NEK9: variants seen among roughly 807,000 people sequenced by gnomAD.
The protein encoded by NEK9 is serine/threonine-protein kinase Nek9.
In NEK9, 75 loss-of-function variants were observed where a neutral mutation model predicts 123.4. The observed-to-expected ratio is 0.61, with a 90% CI of 0.50 to 0.74. The LOEUF (loss-of-function observed/expected upper bound fraction) is 0.74, where lower values mean the gene tolerates loss of function less well. Ranked by LOEUF, NEK9 falls within the 30% of genes least tolerant of loss-of-function variation. The pLI, the probability that NEK9 is intolerant of heterozygous loss-of-function variation, is 0.00. For missense variants in NEK9, 952 were observed against 1,214.4 expected, an observed-to-expected ratio of 0.78 and a Z score of 3.21; for synonymous variants, 438 against 458.7, an observed-to-expected ratio of 0.95 and a Z score of 0.58.
At chr14:75,120,965 T>C (rs1410754225) in intron 3 of NEK9, 154 bp downstream of exon 3, 1 of 720,644 alleles carries the variant, frequency 1.4e-6, no homozygotes, top group Non-Finnish European at 2.5e-6. Flanking sequence ...AGCTTCCTTG[T>C]TAGAGGTTTC....
At chr14:75,099,921 G>C (rs1406839367) in intron 16 of NEK9, among the ~76,000 whole-genome samples, 1 of 151,560 alleles carries the variant, frequency 6.6e-6, no homozygotes, top group African/African-American at 2.4e-5. Flanking sequence ...ACGAGGTCAG[G>C]AGTTCGAGAC....
chr14:75,091,599 G>A (rs1894220534), intron 18 of NEK9, 121 bp from the exon 19 acceptor site: 25 of 761,284 alleles, frequency 3.3e-5, no homozygotes, highest in Non-Finnish European at 4.2e-5. Flanking sequence ...AATGGCAACA[G>A]TGCAAGTCAA....
chr14:75,112,321 C>T (rs1224398017), intron 8 of NEK9, among the ~76,000 whole-genome samples: 5 of 152,092 alleles, frequency 3.3e-5, no homozygotes, highest in South Asian at 2.1e-4. Context: ...AAATATTTAA[C>T]GAAGATAAAT....
At chr14:75,106,317 C>A in intron 12 of NEK9, 185 bp downstream of exon 12, 1 of 602,400 alleles carries the variant, frequency 1.7e-6, no homozygotes, top group Non-Finnish European at 2.8e-6. Flanking sequence ...CCAGATCATG[C>A]CATTGCACTC....
chr14:75,124,288 G>T, intron 1 of NEK9, 65 bp from the exon 2 acceptor site: 2 of 1,476,880 alleles, frequency 1.4e-6, no homozygotes, highest in Non-Finnish European at 1.9e-6. Context: ...TCCACACCTA[G>T]ATCTGTAAGC....
At chr14:75,115,882 G>GA (rs1192136185) in intron 6 of NEK9, among the ~76,000 whole-genome samples, 1 of 151,650 alleles carries the variant, frequency 6.6e-6, no homozygotes, top group East Asian at 1.9e-4. Flanking sequence ...CTTAAAAAAA[G>GA]AAAAAAAGAC....
chr14:75,109,697 C>G lies in NEK9; in HGVS notation c.1170G>C (p.Leu390=), dbSNP rs1318222058. Residue 390 remains leucine (L), a synonymous_variant, in exon 10 of 22, where the codon CTG becomes CTC. Coordinates refer to ENST00000238616, the MANE Select transcript of NEK9 (RefSeq NM_033116.6). ...AGCGTTCACTTACCACCCAAGTGTA[C>G]AGTTCCTTCTCCACTGTGACCACAG... is the stretch of plus-strand genomic sequence containing the variant. The part of the protein sequence containing the change: ...HFAVVTVEKE[L]YTWVNMQGGT... 1 of 1,613,274 alleles carries G rather than the reference C, an allele frequency of 6.2e-7. No individual in the cohort carries two copies. The highest frequency in any genetic ancestry group is 1.7e-5 in the Admixed American group (1 of 59,674).
At chr14:75,110,510 T>C in intron 8 of NEK9, 139 bp from the exon 9 acceptor site, 2 of 638,340 alleles carry the variant, frequency 3.1e-6, no homozygotes, top group Admixed American at 2.8e-5. Flanking sequence ...TTTAGCAAAG[T>C]ACCTCAATAC....
At chr14:75,105,367 G>C (rs1415459033) in intron 13 of NEK9, among the ~76,000 whole-genome samples, 3 of 152,076 alleles carry the variant, frequency 2.0e-5, no homozygotes, top group African/African-American at 7.2e-5. Flanking sequence ...TGGTATAGCT[G>C]ATTTAGCCAA....
At chr14:75,103,705 CTTT>C in intron 14 of NEK9, 134 bp downstream of exon 14, 1 of 934,970 alleles carries the variant, frequency 1.1e-6, no homozygotes, top group Non-Finnish European at 1.6e-6. Flanking sequence ...TGGCTGGCTT[CTTT>C]TTCTGCACAC....
chr14:75,117,565 G>C (rs1895182275), intron 5 of NEK9, among the ~76,000 whole-genome samples: 1 of 152,168 alleles, frequency 6.6e-6, no homozygotes, highest in Admixed American at 6.5e-5. Context: ...GTGGTAACTT[G>C]AGGGGCTCAA....
intron 1 of NEK9, 116 bp from the exon 2 acceptor site, chr14:75,124,339 CTTA>C (rs916489520): frequency 2.5e-6 from 2 of 800,744 alleles, no homozygotes; most frequent in African/African-American, 1.7e-5. Flanking sequence ...ACTGACTCCT[CTTA>C]TTTTTTCCTT....
In NEK9 at chr14:75,121,125, C is replaced by A; in HGVS notation, c.447G>T (p.Glu149Asp). Reference sequence around the variant, plus strand: ...CCACAGAAATATGAATTACCTCTTCCTCAAACAACTTGTCCTTCTGACGAA... The same window carrying A: ...CCACAGAAATATGAATTACCTCTTCATCAAACAACTTGTCCTTCTGACGAA... Reference protein sequence around the residue: ...KILRQKDKLFEEEMVVWYLFQ... With the variant: ...KILRQKDKLFDEEMVVWYLFQ... The change falls in exon 3 of 22, where the codon GAG becomes GAT. Residue 149 changes from glutamate (E) to aspartate (D), a missense_variant. This residue lies in a region of NEK9 where 106 missense variants were observed against 153.0 expected (regional missense o/e 0.69). Transcript: ENST00000238616. 6.2e-7 allele frequency: 1 copy of A among 1,611,884 alleles called. No homozygotes were observed. Among genetic ancestry groups the A allele is most frequent in the Non-Finnish European group, 8.5e-7 (1 of 1,177,988 alleles).
chr14:75,113,758 C>T (rs1895036584), intron 7 of NEK9, among the ~76,000 whole-genome samples: 1 of 152,066 alleles, frequency 6.6e-6, no homozygotes, highest in Non-Finnish European at 1.5e-5. Flanking sequence ...CTTCTTTTTA[C>T]TTACAAAACT....
Position 75,126,692 on chromosome 14 carries a change from A to T in NEK9, c.219+11T>A. 7.1e-7 allele frequency: 1 copy of T among 1,403,818 alleles called. No individual in the cohort carries two copies. Among genetic ancestry groups the T allele is most frequent in the Non-Finnish European group, 9.2e-7 (1 of 1,083,756 alleles). The allele number at this position is 1,403,818 out of a possible 1,614,324, so 87.0% of individuals were successfully genotyped here. On this transcript the variant is annotated intron_variant, in intron 1 of 21. Coordinates refer to ENST00000238616, the MANE Select transcript of NEK9 (RefSeq NM_033116.6). ...GCGCCAGACAGGGCGGCCGGCGCCG[A>T]GGGCCGCTACCTCGGTGCGGCGGTA... is the stretch of plus-strand genomic sequence containing the variant.
chr14:75,086,897 T>C, intron 21 of NEK9, 121 bp downstream of exon 21: 1 of 1,020,506 alleles, frequency 9.8e-7, no homozygotes, highest in South Asian at 1.5e-5. Flanking sequence ...AGAGCGAGAC[T>C]CCGTCTCAAA....
chr14:75,127,156 T>C (rs1895571528), upstream of NEK9: 1 of 465,200 alleles, frequency 2.1e-6, no homozygotes, highest in Non-Finnish European at 3.8e-6. Context: ...GGCTTCCCGC[T>C]TTCGGGGAAG....
At chr14:75,116,470 C>T in intron 6 of NEK9, 1 of 360,264 alleles carries the variant, frequency 2.8e-6, no homozygotes, top group South Asian at 2.6e-5. Context: ...CCATTCTGTT[C>T]ACTAGATTTG....
intron 1 of NEK9, among the ~76,000 whole-genome samples, chr14:75,125,200 G>T (rs1400977293): frequency 6.6e-6 from 1 of 152,028 alleles, no homozygotes; most frequent in Non-Finnish European, 1.5e-5. Flanking sequence ...AGCTTTTACT[G>T]TAACCATGTC....
Sources: allele counts gnomAD v4.1 joint callset (sites outside exome capture counted in the v4.1 genomes callset), GRCh38; gene constraint gnomAD v4.1.1; regional missense constraint gnomAD v4.1.1; transcripts MANE v1.5; gene names NCBI Gene and HGNC (gene_info 2026-07-23, HGNC 2026-07-21).